SLC12A1: variants seen among roughly 807,000 people sequenced by gnomAD.
SLC12A1 encodes solute carrier family 12 member 1, also known as Na-K-2Cl cotransporter.
In SLC12A1, 89 loss-of-function variants were observed where a neutral mutation model predicts 130.4. The observed-to-expected ratio is 0.68, with a 90% CI of 0.58 to 0.81. SLC12A1 has a LOEUF of 0.81. SLC12A1 is among the 40% of genes least tolerant of loss of function. SLC12A1 has a pLI of 0.00. For synonymous variants in SLC12A1, 499 were observed against 460.0 expected, an observed-to-expected ratio of 1.08 and a Z score of -1.09; for missense variants, 1,310 against 1,336.4, an observed-to-expected ratio of 0.98 and a Z score of 0.31.
intron 2 of SLC12A1, among the ~76,000 whole-genome samples, chr15:48,219,591 TGAAA>T (rs138215733): frequency 0.077 from 6,752 of 87,788 alleles, 486 homozygotes; most frequent in African/African-American, 0.24. Context: ...AAAAGAAAGA[TGAAA>T]GAAAGAAAGA....
chr15:48,220,483 A>G (rs1261834664), intron 2 of SLC12A1, 151 bp from the exon 3 acceptor site: 3 of 820,828 alleles, frequency 3.7e-6, no homozygotes, highest in African/African-American at 3.5e-5. Flanking sequence ...CAAAAAATAT[A>G]AGTTTCATTA....
At chr15:48,247,280 G>C (rs2041593501) in intron 12 of SLC12A1, 57 bp from the exon 13 acceptor site, 13 of 1,554,020 alleles carry the variant, frequency 8.4e-6, no homozygotes, top group Non-Finnish European at 1.1e-5. Flanking sequence ...GAATCACCTA[G>C]AGAAAATGAC....
chr15:48,284,239 G>A (rs967002019), intron 20 of SLC12A1, among the ~76,000 whole-genome samples: 13 of 152,188 alleles, frequency 8.5e-5, no homozygotes, highest in Admixed American at 6.5e-5. Context: ...GAAAGGAATT[G>A]GTGGTGGATA....
intron 9 of SLC12A1, among the ~76,000 whole-genome samples, chr15:48,235,714 A>T (rs1266513975): frequency 6.6e-6 from 1 of 152,096 alleles, no homozygotes; most frequent in African/African-American, 2.4e-5. Context: ...ATAAATAAAT[A>T]AAAATTTTAT....
At chr15:48,214,158 T>C (rs1400956897) in intron 2 of SLC12A1, among the ~76,000 whole-genome samples, 2 of 152,106 alleles carry the variant, frequency 1.3e-5, no homozygotes, top group African/African-American at 4.8e-5. Context: ...CTTAAAATAT[T>C]TGTTGGAGTG....
intron 6 of SLC12A1, among the ~76,000 whole-genome samples, 191 bp downstream of exon 6, chr15:48,229,519 T>G (rs557287876): frequency 2.0e-4 from 30 of 152,210 alleles, no homozygotes; most frequent in Non-Finnish European, 3.7e-4. Flanking sequence ...CAAGAAAGTT[T>G]GGATTAGTTC....
At chr15:48,208,231 C>T in intron 2 of SLC12A1, 92 bp downstream of exon 2, 1 of 1,275,038 alleles carries the variant, frequency 7.8e-7, no homozygotes, top group Non-Finnish European at 1.1e-6. Flanking sequence ...GAATGTGAAA[C>T]AGTCAAATGG....
chr15:48,256,344 T>C (rs1238692333), intron 16 of SLC12A1, among the ~76,000 whole-genome samples: 3 of 152,240 alleles, frequency 2.0e-5, no homozygotes, highest in Non-Finnish European at 4.4e-5. Context: ...CAAGCTTGTA[T>C]GAAGAATGAA....
chr15:48,245,829 G>A (rs141406599), intron 11 of SLC12A1, among the ~76,000 whole-genome samples: 89 of 152,276 alleles, frequency 5.8e-4, no homozygotes, highest in Non-Finnish European at 1.2e-3. Flanking sequence ...TTTTAAGTTC[G>A]TTGAGAAATC....
At chr15:48,260,442 T>C (rs1292442871) in intron 17 of SLC12A1, among the ~76,000 whole-genome samples, 1 of 151,782 alleles carries the variant, frequency 6.6e-6, no homozygotes, top group Non-Finnish European at 1.5e-5. Flanking sequence ...TACGTATTCT[T>C]CAAACCATTT....
At position 48,255,847 on chromosome 15, in the gene SLC12A1, A is replaced by C; in HGVS notation, c.1979A>C (p.Tyr660Ser). 1 of 1,608,622 alleles carries C rather than the reference A, an allele frequency of 6.2e-7. No individual in the cohort carries two copies. Among genetic ancestry groups the C allele is most frequent in the Non-Finnish European group, 8.5e-7 (1 of 1,177,522 alleles). Residue 660 changes from tyrosine (Y) to serine (S), a missense_variant, in exon 16 of 27, where the codon TAC becomes TCC. Coordinates refer to ENST00000380993, the MANE Select transcript of SLC12A1 (RefSeq NM_000338.3). ...NWGSSTQALS[Y>S]VSALDNALEL... is the part of the protein sequence containing the mutation. ...GGCTCCTCCACACAGGCTCTTTCCT[A>C]CGTGAGTGCTTTAGACAATGCTCTG... is the stretch of plus-strand genomic sequence containing the variant.
At chr15:48,220,371 A>G (rs1007225434) in intron 2 of SLC12A1, among the ~76,000 whole-genome samples, 10 of 152,164 alleles carry the variant, frequency 6.6e-5, no homozygotes, top group African/African-American at 2.4e-4. Context: ...TTTTCACCAG[A>G]AGAAATATTC....
At chr15:48,218,712 A>AT (rs1202552623) in intron 2 of SLC12A1, among the ~76,000 whole-genome samples, 1 of 152,212 alleles carries the variant, frequency 6.6e-6, no homozygotes, top group African/African-American at 2.4e-5. Context: ...AGATATAGTC[A>AT]TTCTATAATC....
At chr15:48,220,893 C>A in intron 3 of SLC12A1, 28 bp from the exon 4 acceptor site, 1 of 1,613,272 alleles carries the variant, frequency 6.2e-7, no homozygotes, top group Non-Finnish European at 8.5e-7. Context: ...TTTGTCCTGT[C>A]TCCTTTCAAT....
rs147529096 is a variant in SLC12A1 at position 48,267,291 on chromosome 15, C to A, written c.2155-270C>A. On this transcript the variant is annotated intron_variant, in intron 17 of 26. Transcript: ENST00000380993. ...TCAGTATTTTCCTTGTGTCATGTTG[C>A]CCTCAACTCTTCCTTTCATTCAGTG... Among the ~76,000 whole-genome samples, 11 of 152,262 alleles carry A rather than the reference C, an allele frequency of 7.2e-5. No individual in the cohort carries two copies. In the East Asian group the frequency reaches 1.9e-3, roughly 27 times the overall value.
At chr15:48,274,164 T>C (rs1211273036) in intron 19 of SLC12A1, among the ~76,000 whole-genome samples, 1 of 152,178 alleles carries the variant, frequency 6.6e-6, no homozygotes, top group Non-Finnish European at 1.5e-5. Context: ...ACAGGAGTCC[T>C]TCTGGGAGGC....
At chr15:48,273,543 T>A (rs921882182) in intron 19 of SLC12A1, among the ~76,000 whole-genome samples, 1 of 152,168 alleles carries the variant, frequency 6.6e-6, no homozygotes, top group African/African-American at 2.4e-5. Flanking sequence ...AATCCAAATT[T>A]TTTTGTGGAG....
At chr15:48,242,474 GTC>G (rs1457614764) in intron 10 of SLC12A1, among the ~76,000 whole-genome samples, 1 of 152,138 alleles carries the variant, frequency 6.6e-6, no homozygotes, top group Non-Finnish European at 1.5e-5. Context: ...CTGTCTCATT[GTC>G]TCTAATTTGA....
chr15:48,226,581 C>CT lies in SLC12A1; in HGVS notation c.724+11dup. ...GGGTTTGTTCGTGGAGGTAAAATCTCTAAGATATCTAATGCCCTCATCACT... is the reference window on the plus strand; with the variant it reads ...GGGTTTGTTCGTGGAGGTAAAATCTCTTAAGATATCTAATGCCCTCATCACT... On this transcript the variant is annotated intron_variant, in intron 5 of 26. Transcript: ENST00000380993. 6.5e-7 allele frequency: 1 copy of CT among 1,528,446 alleles called. No homozygotes were observed. Among genetic ancestry groups the CT allele is most frequent in the Non-Finnish European group, 9.1e-7 (1 of 1,104,494 alleles). The allele number at this position is 1,528,446 out of a possible 1,614,324, so 94.7% of individuals were successfully genotyped here.
Sources: gnomAD v4.1 joint callset for allele counts (sites outside exome capture counted in the v4.1 genomes callset) on GRCh38, gnomAD v4.1.1 for gene constraint, MANE v1.5 for transcripts, NCBI Gene and HGNC (gene_info 2026-07-23, HGNC 2026-07-21) for gene names.